The following NAALADL2 variants were observed in gnomAD, a reference collection of about 807,000 sequenced individuals.
NAALADL2 encodes inactive N-acetylated-alpha-linked acidic dipeptidase-like protein 2.
In NAALADL2, 76 loss-of-function variants were observed where a neutral mutation model predicts 87.2. The ratio of observed to expected loss-of-function variants is 0.87; its 90% confidence interval spans 0.72 to 1.05. NAALADL2 has a LOEUF of 1.05. Ranked by LOEUF, NAALADL2 falls within the 50% of genes least tolerant of loss-of-function variation. NAALADL2 has a pLI of 0.00. For synonymous variants in NAALADL2, 354 were observed against 331.0 expected (o/e 1.07, Z -0.75); for missense variants, 1,089 against 945.8 (o/e 1.15, Z -1.99).
chr3:174,572,968 T>C (rs1336553912), intron 2 of NAALADL2, among the ~76,000 whole-genome samples: 6 of 152,162 alleles, frequency 3.9e-5, no homozygotes, highest in African/African-American at 1.2e-4. Context: ...GTTAAGTAAC[T>C]TGATCAAGGT....
chr3:174,553,284 A>G (rs146288706), intron 2 of NAALADL2, among the ~76,000 whole-genome samples: 213 of 152,314 alleles, frequency 1.4e-3, no homozygotes, highest in Middle Eastern at 0.01. Flanking sequence ...CATGTGTAAG[A>G]AAGCAAAACC....
At chr3:175,536,154 C>G (rs1015184413) in intron 9 of NAALADL2, among the ~76,000 whole-genome samples, 8 of 152,120 alleles carry the variant, frequency 5.3e-5, no homozygotes, top group African/African-American at 1.9e-4. Context: ...AGCAGAGTGC[C>G]CTTGAATCGT....
chr3:175,034,808 G>A (rs1251126782), intron 1 of NAALADL2, among the ~76,000 whole-genome samples: 1 of 152,140 alleles, frequency 6.6e-6, no homozygotes, highest in Non-Finnish European at 1.5e-5. Context: ...ATTGTTGTGA[G>A]TTAGCACAAA....
intron 5 of NAALADL2, among the ~76,000 whole-genome samples, chr3:175,412,411 T>A (rs1713705212): frequency 6.6e-6 from 1 of 152,228 alleles, no homozygotes; most frequent in South Asian, 2.1e-4. Flanking sequence ...TCAGTGTATG[T>A]TATATGATGC....
At chr3:175,439,731 C>CTTTTTTTTTTTTT (rs535237866) in intron 5 of NAALADL2, among the ~76,000 whole-genome samples, 43 of 113,722 alleles carry the variant, frequency 3.8e-4, no homozygotes, top group Non-Finnish European at 5.6e-4. Flanking sequence ...GTTTTTTTTT[C>CTTTTTTTTTTTTT]TTTTTTTTCT....
chr3:175,356,733 G>A (rs924321362), intron 5 of NAALADL2, among the ~76,000 whole-genome samples: 15 of 151,938 alleles, frequency 9.9e-5, no homozygotes, highest in African/African-American at 3.4e-4. Context: ...AGTGCAAGAC[G>A]AAAGGAAGAC....
At chr3:174,612,605 G>A (rs923635611) in intron 2 of NAALADL2, among the ~76,000 whole-genome samples, 5 of 151,778 alleles carry the variant, frequency 3.3e-5, no homozygotes, top group African/African-American at 1.2e-4. Flanking sequence ...TATTTGAATT[G>A]CATTTTTAGC....
At chr3:175,768,865 A>T (rs1188089603) in intron 13 of NAALADL2, among the ~76,000 whole-genome samples, 3 of 151,982 alleles carry the variant, frequency 2.0e-5, no homozygotes, top group African/African-American at 7.3e-5. Context: ...AAAAAAAAAA[A>T]AAATTGTAGT....
chr3:175,084,794 GAA>G (rs1718553736), intron 1 of NAALADL2, among the ~76,000 whole-genome samples: 1 of 152,100 alleles, frequency 6.6e-6, no homozygotes, highest in African/African-American at 2.4e-5. Flanking sequence ...GAACCAAAAT[GAA>G]AAAGTCAATT....
At chr3:175,063,595 G>T (rs918469138) in intron 1 of NAALADL2, among the ~76,000 whole-genome samples, 1 of 151,990 alleles carries the variant, frequency 6.6e-6, no homozygotes, top group Non-Finnish European at 1.5e-5. Context: ...TCTTGCCTTA[G>T]CCTCCCCAGT....
intron 4 of NAALADL2, among the ~76,000 whole-genome samples, chr3:175,267,146 C>G (rs1312602845): frequency 6.6e-6 from 1 of 151,806 alleles, no homozygotes; most frequent in African/African-American, 2.4e-5. Flanking sequence ...TCAAATCTTT[C>G]CTTACTGAGA....
At chr3:175,556,575 T>A (rs1664230277) in intron 9 of NAALADL2, among the ~76,000 whole-genome samples, 1 of 152,178 alleles carries the variant, frequency 6.6e-6, no homozygotes, top group Admixed American at 6.5e-5. Context: ...CTAGTATAGA[T>A]TTCTGTATGA....
rs1242472730 is a variant in NAALADL2, at chr3:175,338,656, CACACACAA to C, written c.1090+14335_1090+14342del. Among the ~76,000 whole-genome samples, 9 of 126,334 alleles carry C rather than the reference CACACACAA, an allele frequency of 7.1e-5. No homozygotes were observed. The East Asian group carries it at 8.3e-4, about 12-fold the overall frequency. The allele number at this position is 126,334 out of a possible 152,430, so 82.9% of individuals were successfully genotyped here. On this transcript the variant is annotated intron_variant, in intron 5 of 13. Coordinates refer to ENST00000454872, the MANE Select transcript of NAALADL2 (RefSeq NM_207015.3). The stretch of plus-strand genomic sequence containing the variant: ...ACACACACACACACACACACACACA[CACACACAA>C]ACAAACAAAACACCAGGAACTGAGT...
At chr3:174,751,460 C>T (rs1296473257) in intron 3 of NAALADL2, among the ~76,000 whole-genome samples, 4 of 151,958 alleles carry the variant, frequency 2.6e-5, no homozygotes, top group Admixed American at 6.6e-5. Flanking sequence ...GTCAGGAGTT[C>T]GAGACCAGCC....
chr3:175,800,920 T>A (rs137971997), intron 13 of NAALADL2, among the ~76,000 whole-genome samples: 1 of 152,014 alleles, frequency 6.6e-6, no homozygotes, highest in African/African-American at 2.4e-5. Context: ...CAGAAGCCGA[T>A]TGGACATGTA....
chr3:175,142,253 A>C (rs1730107673), intron 2 of NAALADL2, among the ~76,000 whole-genome samples: 1 of 152,118 alleles, frequency 6.6e-6, no homozygotes, highest in South Asian at 2.1e-4. Flanking sequence ...AAACAAGATT[A>C]ACAAATGCCA....
At chr3:175,342,187 G>A (rs898230107) in intron 5 of NAALADL2, among the ~76,000 whole-genome samples, 4 of 152,016 alleles carry the variant, frequency 2.6e-5, no homozygotes, top group African/African-American at 4.8e-5. Context: ...AAAAGTCTTT[G>A]ATGAAATGCT....
At chr3:175,683,434 C>T (rs966961248) in intron 11 of NAALADL2, among the ~76,000 whole-genome samples, 5 of 151,852 alleles carry the variant, frequency 3.3e-5, no homozygotes, top group Admixed American at 1.3e-4. Context: ...TTTATCAAAA[C>T]TAATTTCTAT....
chr3:175,476,706 C>G (rs190132198), intron 9 of NAALADL2, among the ~76,000 whole-genome samples: 1 of 152,240 alleles, frequency 6.6e-6, no homozygotes, highest in African/African-American at 2.4e-5. Flanking sequence ...AATGCCACAG[C>G]TTTGTCTGCT....
Sources: gnomAD v4.1 joint callset for allele counts (sites outside exome capture counted in the v4.1 genomes callset) on GRCh38, gnomAD v4.1.1 for gene constraint, MANE v1.5 for transcripts, NCBI Gene and HGNC (gene_info 2026-07-23, HGNC 2026-07-21) for gene names.